PRMT8: variants seen among roughly 807,000 people sequenced by gnomAD.
PRMT8 encodes protein arginine methyltransferase 8.
In PRMT8, 7 loss-of-function variants were observed where a neutral mutation model predicts 47.1. The observed-to-expected ratio is 0.15, with a 90% CI of 0.08 to 0.28. The LOEUF is 0.28. PRMT8 is among the 10% of genes least tolerant of loss of function. PRMT8 has a pLI of 1.00. For synonymous variants in PRMT8, 188 were observed against 186.5 expected (o/e 1.01, Z -0.07); for missense variants, 237 against 505.4 (o/e 0.47, Z 5.09).
intron 1 of PRMT8, chr12:3,469,142 C>T (rs975981064): frequency 5.6e-5 from 28 of 497,444 alleles, no homozygotes; most frequent in Admixed American, 5.1e-4. Context: ...CTATGTGCTT[C>T]CCAAGCTGTA....
intron 1 of PRMT8, among the ~76,000 whole-genome samples, chr12:3,398,115 C>G (rs949801575): frequency 3.9e-5 from 6 of 152,226 alleles, no homozygotes; most frequent in African/African-American, 1.4e-4. Context: ...CTGGCACTCC[C>G]TAGTGAGATG....
intron 1 of PRMT8, among the ~76,000 whole-genome samples, chr12:3,454,021 C>A (rs1263077862): frequency 2.6e-5 from 4 of 152,166 alleles, no homozygotes; most frequent in African/African-American, 4.8e-5. Flanking sequence ...GAAGGCCAGG[C>A]ACAGCAATGC....
intron 7 of PRMT8, among the ~76,000 whole-genome samples, chr12:3,578,682 G>A (rs932217704): frequency 6.6e-6 from 1 of 152,154 alleles, no homozygotes; most frequent in South Asian, 2.1e-4. Flanking sequence ...GGAGTTCAGG[G>A]CCACTAAGGA....
At chr12:3,524,031 A>G (rs1865918767) in intron 1 of PRMT8, among the ~76,000 whole-genome samples, 1 of 152,204 alleles carries the variant, frequency 6.6e-6, no homozygotes, top group Non-Finnish European at 1.5e-5. Context: ...AACCTCAGTA[A>G]CCTGTTAGTA....
In PRMT8 at chr12:3,456,958, C is replaced by T. The variant is rs1052178136; in HGVS notation, c.48+75516C>T. 2.6e-5 allele frequency among the ~76,000 whole-genome samples: 4 copies of T among 152,190 alleles called. No individual in the cohort carries two copies. The highest frequency in any genetic ancestry group is 7.2e-5 in the African/African-American group (3 of 41,446). On this transcript the variant is annotated intron_variant, in intron 1 of 9. Coordinates refer to the PRMT8 transcript ENST00000452611. This position sits in a 1 kb window ranked among gnomAD's most constrained non-coding sequence, Gnocchi z 4.2. The stretch of plus-strand genomic sequence containing the variant: ...GTTAAGGGGGTGGGGGCTCTGGCCT[C>T]GCTGACCTCGCCTGCCATGGCAACT...
In PRMT8 at chr12:3,453,350, T is replaced by A. The variant is rs1864940956; in HGVS notation, c.48+71908T>A. Among the ~76,000 whole-genome samples the A allele has an allele frequency of 6.6e-6, 1 of 152,040 alleles. No individual in the cohort carries two copies. Among genetic ancestry groups the A allele is most frequent in the Non-Finnish European group, 1.5e-5 (1 of 68,008 alleles). On this transcript the variant is annotated intron_variant, in intron 1 of 9. Transcript: ENST00000452611. The surrounding 1 kb of genome is among the most constrained non-coding windows in gnomAD (Gnocchi z 4.9). ...CCCCAGTGTTGAGTCTGGCAGCAGA[T>A]CCCCAAGGGGTAGAGTTTGCACTGG...
intron 1 of PRMT8, among the ~76,000 whole-genome samples, chr12:3,497,297 CCA>C (rs1240256521): frequency 1.3e-5 from 2 of 152,158 alleles, no homozygotes; most frequent in Non-Finnish European, 2.9e-5. Context: ...GTCATTCTGT[CCA>C]TGCCTCTGTC....
chr12:3,490,330 A>C (rs1430324038), upstream of PRMT8, among the ~76,000 whole-genome samples: 4 of 152,168 alleles, frequency 2.6e-5, no homozygotes, highest in Non-Finnish European at 5.9e-5. Flanking sequence ...AGAGAAAAAG[A>C]AGCTCTCAAA....
At chr12:3,509,373 C>T (rs1223310325) in intron 1 of PRMT8, among the ~76,000 whole-genome samples, 1 of 152,148 alleles carries the variant, frequency 6.6e-6, no homozygotes, top group African/African-American at 2.4e-5. Flanking sequence ...GAAGGCTTTC[C>T]TGCTACCACC....
In PRMT8 at chr12:3,492,183, G is replaced by C. The variant is rs1033830233; in HGVS notation, c.75+483G>C. ...CAGCTTTACCCTTCAAGCTCGAGTC[G>C]GTTCCCGAGCTCTCCGTCCCCGCAG... On this transcript the variant is annotated intron_variant, in intron 1 of 9. Coordinates refer to ENST00000382622, the MANE Select transcript of PRMT8 (RefSeq NM_019854.5). This position sits in a 1 kb window ranked among gnomAD's most constrained non-coding sequence, Gnocchi z 7.5. 6.6e-6 allele frequency among the ~76,000 whole-genome samples: 1 copy of C among 151,966 alleles called. No individual in the cohort carries two copies. The highest frequency in any genetic ancestry group is 1.5e-5 in the Non-Finnish European group (1 of 67,974).
chr12:3,405,281 C>T (rs770316405), intron 1 of PRMT8, among the ~76,000 whole-genome samples: 16 of 152,120 alleles, frequency 1.1e-4, no homozygotes, highest in Non-Finnish European at 1.9e-4. Context: ...TAATCGCCCT[C>T]ATGATTCAAT....
Position 3,431,636 on chromosome 12 carries a change from G to A in PRMT8, c.48+50194G>A, listed in dbSNP as rs368623932. ...ATGGGATTCCAAGAAGGAGAGGTAC[G>A]TAGTGTCAAAGGCTGCAGTCAAGCA... On this transcript the variant is annotated intron_variant, in intron 1 of 9. Transcript: ENST00000452611. Among the ~76,000 whole-genome samples, 124 of 152,268 alleles carry A rather than the reference G, an allele frequency of 8.1e-4. 4 individuals carry two copies. In the South Asian group the frequency reaches 0.025, roughly 31 times the overall value.
rs1464454771 is a variant in PRMT8 at position 3,570,895 on chromosome 12, A to G, written c.712+1331A>G. 6.6e-6 allele frequency among the ~76,000 whole-genome samples: 1 copy of G among 152,142 alleles called. No individual in the cohort carries two copies. The highest frequency in any genetic ancestry group is 1.5e-5 in the Non-Finnish European group (1 of 68,020). On this transcript the variant is annotated intron_variant, in intron 6 of 9. Coordinates refer to ENST00000382622, the MANE Select transcript of PRMT8 (RefSeq NM_019854.5). This position sits in a 1 kb window ranked among gnomAD's most constrained non-coding sequence, Gnocchi z 5.5. ...CCTGGGGGAAGGAGGCAAAATACCA[A>G]ATGAGGACAGTGAGAGGCAGGGGGG...
Position 3,566,000 on chromosome 12 carries a change from G to A in PRMT8, c.482-2706G>A, listed in dbSNP as rs557553514. ...AAAACATCTTCTAGGGCTACAGAGAGGTCATGATATAAATGCAGGAGGAGG... is the reference window on the plus strand; with the variant it reads ...AAAACATCTTCTAGGGCTACAGAGAAGTCATGATATAAATGCAGGAGGAGG... On this transcript the variant is annotated intron_variant, in intron 4 of 9. Coordinates refer to ENST00000382622, the MANE Select transcript of PRMT8 (RefSeq NM_019854.5). Among the ~76,000 whole-genome samples, 3 of 152,236 alleles carry A rather than the reference G, an allele frequency of 2.0e-5. No individual in the cohort carries two copies. The South Asian group carries it at 6.2e-4, about 32-fold the overall frequency.
At chr12:3,483,641 A>G (rs905449003) in intron 1 of PRMT8, among the ~76,000 whole-genome samples, 1 of 152,180 alleles carries the variant, frequency 6.6e-6, no homozygotes, top group African/African-American at 2.4e-5. Flanking sequence ...TGCTTTAAGG[A>G]CTATGGTCTG....
At position 3,492,442 on chromosome 12, in the gene PRMT8, C is replaced by T. The variant is rs1280895919; in HGVS notation, c.75+742C>T. Among the ~76,000 whole-genome samples, 2 of 152,214 alleles carry T rather than the reference C, an allele frequency of 1.3e-5. No homozygotes were observed. The highest frequency in any genetic ancestry group is 4.8e-5 in the African/African-American group (2 of 41,462). ...TGCGCGGACTGTGGGGGCTGCGCGCCGCCGGCTGCAGTGAGAAATGGGTCT... is the reference window on the plus strand; with the variant it reads ...TGCGCGGACTGTGGGGGCTGCGCGCTGCCGGCTGCAGTGAGAAATGGGTCT... On this transcript the variant is annotated intron_variant, in intron 1 of 9. Transcript: ENST00000382622. The surrounding 1 kb of genome is among the most constrained non-coding windows in gnomAD (Gnocchi z 7.5).
intron 1 of PRMT8, among the ~76,000 whole-genome samples, chr12:3,465,084 T>A (rs958951741): frequency 8.1e-5 from 12 of 147,930 alleles, no homozygotes; most frequent in African/African-American, 2.8e-4. Flanking sequence ...CATGAGCCAT[T>A]GCACTCCAGC....
Position 3,593,234 on chromosome 12 carries a change from C to T in PRMT8, c.*52C>T. The T allele has an allele frequency of 6.8e-7, 1 of 1,459,920 alleles. No homozygotes were observed. The highest frequency in any genetic ancestry group is 1.7e-4 in the Middle Eastern group (1 of 5,760). 90.4% of individuals were successfully genotyped at this position (1,459,920 alleles called of 1,614,324 possible). A position where few individuals can be genotyped will look rare whatever the true frequency, so the allele number is the denominator to read the frequency against. The stretch of plus-strand genomic sequence containing the variant: ...CGAGAAAAGGAACTCTCACCTCGAT[C>T]TGCCGTGCCGTCCCAAAGAATACCG... On this transcript the variant is annotated 3_prime_UTR_variant, in exon 10 of 10. Transcript: ENST00000382622. This position sits in a 1 kb window ranked among gnomAD's most constrained non-coding sequence, Gnocchi z 4.8.
At chr12:3,579,525 G>A (rs757534809) in intron 7 of PRMT8, among the ~76,000 whole-genome samples, 3 of 152,036 alleles carry the variant, frequency 2.0e-5, no homozygotes, top group Non-Finnish European at 4.4e-5. Context: ...CTCAGGACTC[G>A]TGACCTGTGA....
Sources: allele counts gnomAD v4.1 joint callset (sites outside exome capture counted in the v4.1 genomes callset), GRCh38; gene constraint gnomAD v4.1.1; non-coding constraint Gnocchi (gnomAD v3.1); transcripts MANE v1.5; gene names NCBI Gene and HGNC (gene_info 2026-07-23, HGNC 2026-07-21).